Variants in DOCK1 observed in about 807,000 individuals in gnomAD.
DOCK1 encodes the protein dedicator of cytokinesis 1.
Under a neutral mutation model 262.7 loss-of-function variants are expected in DOCK1, and 138 were observed. That is an observed-to-expected ratio of 0.53 (90% confidence interval 0.46 to 0.61). DOCK1 has a LOEUF of 0.61. DOCK1 is among the 20% of genes least tolerant of loss of function. The pLI is 0.00. For missense variants in DOCK1, 1,908 were observed against 2,370.7 expected, an observed-to-expected ratio of 0.80 and a Z score of 4.05; for synonymous variants, 866 against 867.4, an observed-to-expected ratio of 1.00 and a Z score of 0.03.
intron 27 of DOCK1, among the ~76,000 whole-genome samples, chr10:127,224,879 G>A (rs2058579210): frequency 6.6e-6 from 1 of 152,034 alleles, no homozygotes; most frequent in East Asian, 1.9e-4. Context: ...CATTCCTTTA[G>A]GGTCAAGACG....
At chr10:127,242,015 C>T (rs2059282415) in intron 27 of DOCK1, among the ~76,000 whole-genome samples, 1 of 152,146 alleles carries the variant, frequency 6.6e-6, no homozygotes, top group African/African-American at 2.4e-5. Flanking sequence ...TTGGGTTTTG[C>T]ACCAGGGATT....
At chr10:126,921,707 C>T (rs149284925) in intron 1 of DOCK1, among the ~76,000 whole-genome samples, 2 of 152,092 alleles carry the variant, frequency 1.3e-5, no homozygotes, top group African/African-American at 4.8e-5. Flanking sequence ...GGCTGGAGTG[C>T]AGTGGCGCGA....
At chr10:126,997,030 G>A in intron 7 of DOCK1, 147 bp downstream of exon 7, 2 of 883,804 alleles carry the variant, frequency 2.3e-6, no homozygotes, top group Non-Finnish European at 3.2e-6. Flanking sequence ...GTCATGAGTG[G>A]AATGGAGCCT....
chr10:127,230,423 ATTTTGAG>A, intron 27 of DOCK1, among the ~76,000 whole-genome samples: 1 of 152,150 alleles, frequency 6.6e-6, no homozygotes, highest in Non-Finnish European at 1.5e-5. Context: ...TTTTTAATAC[ATTTTGAG>A]TTAATTATTG....
chr10:127,017,881 T>C (rs1257346731), intron 12 of DOCK1, among the ~76,000 whole-genome samples: 1 of 152,190 alleles, frequency 6.6e-6, no homozygotes, highest in Non-Finnish European at 1.5e-5. Flanking sequence ...GTGGCTTGTT[T>C]CCTTGTACTG....
At chr10:127,275,124 T>TG (rs1037329314) in intron 29 of DOCK1, among the ~76,000 whole-genome samples, 2 of 152,106 alleles carry the variant, frequency 1.3e-5, no homozygotes, top group African/African-American at 2.4e-5. Flanking sequence ...TCAGGCCACC[T>TG]GGGGGGCAGT....
chr10:126,951,780 A>G (rs2036270993), intron 1 of DOCK1, among the ~76,000 whole-genome samples: 1 of 152,018 alleles, frequency 6.6e-6, no homozygotes, highest in Non-Finnish European at 1.5e-5. Context: ...ACGCTGTGAC[A>G]GGAAATAATC....
intron 29 of DOCK1, among the ~76,000 whole-genome samples, chr10:127,296,514 C>G (rs980323862): frequency 6.6e-6 from 1 of 152,216 alleles, no homozygotes; most frequent in African/African-American, 2.4e-5. Context: ...AGAAACCTGC[C>G]GTGTGGAGTG....
intron 46 of DOCK1, among the ~76,000 whole-genome samples, chr10:127,422,358 G>T (rs1052344955): frequency 1.3e-5 from 2 of 151,414 alleles, no homozygotes; most frequent in Non-Finnish European, 2.9e-5. Context: ...GTAGAGATGG[G>T]GTTTCACCAT....
chr10:127,200,570 A>AT (rs922771418), intron 27 of DOCK1, among the ~76,000 whole-genome samples: 1 of 151,942 alleles, frequency 6.6e-6, no homozygotes, highest in Non-Finnish European at 1.5e-5. Flanking sequence ...CGCCTGGCTG[A>AT]TTTTTTGTAT....
At chr10:127,292,674 A>T (rs1285558037) in intron 29 of DOCK1, among the ~76,000 whole-genome samples, 2 of 152,258 alleles carry the variant, frequency 1.3e-5, no homozygotes, top group African/African-American at 4.8e-5. Flanking sequence ...ATGCTTTTGC[A>T]TTCCTGCTGA....
At chr10:127,236,077 T>C (rs2059039001) in intron 27 of DOCK1, among the ~76,000 whole-genome samples, 1 of 152,178 alleles carries the variant, frequency 6.6e-6, no homozygotes. Flanking sequence ...GTCTTTTTAC[T>C]TTCTGTATAG....
At chr10:126,941,061 C>A (rs2034941606) in intron 1 of DOCK1, among the ~76,000 whole-genome samples, 1 of 152,156 alleles carries the variant, frequency 6.6e-6, no homozygotes, top group Non-Finnish European at 1.5e-5. Flanking sequence ...ATTTCAGGGA[C>A]CTGCTGGTCC....
chr10:126,993,410 A>AT (rs1235631907), intron 6 of DOCK1, among the ~76,000 whole-genome samples: 1 of 152,170 alleles, frequency 6.6e-6, no homozygotes, highest in Admixed American at 6.5e-5. Context: ...ACCCCTGCCC[A>AT]TACCAGTATT....
At position 126,916,689 on chromosome 10, in the gene DOCK1, C is replaced by T. The variant is rs80114279; in HGVS notation, c.46+11126C>T. ...TCTTCCTCCCCTCCTTCCTTTCCTC[C>T]TTCCTTTCCTCCCCTCCTTCCTTCT... On this transcript the variant is annotated intron_variant, in intron 1 of 51. Coordinates refer to ENST00000623213, the MANE Select transcript of DOCK1 (RefSeq NM_001290223.2). Among the ~76,000 whole-genome samples, 797 of 152,016 alleles carry T rather than the reference C, an allele frequency of 5.2e-3. 5 individuals carry two copies. Among genetic ancestry groups the T allele is most frequent in the African/African-American group, 0.018 (760 of 41,430 alleles).
intron 25 of DOCK1, among the ~76,000 whole-genome samples, chr10:127,115,794 A>G (rs1169120616): frequency 1.3e-5 from 2 of 152,220 alleles, no homozygotes; most frequent in Non-Finnish European, 2.9e-5. Context: ...CTCCTGGAAC[A>G]TGTTCTCTCA....
At position 127,305,820 on chromosome 10, in the gene DOCK1, T is replaced by G. The variant is rs1488460328; in HGVS notation, c.3045-33186T>G. 2.6e-5 allele frequency among the ~76,000 whole-genome samples: 4 copies of G among 152,082 alleles called. No homozygotes were observed. In the South Asian group the frequency reaches 8.3e-4, roughly 32 times the overall value. ...TTGTTTCCTCTGATTTCAGAAGTAG[T>G]TTTTCGTTTTGTTTTTTCAGTTTCT... On this transcript the variant is annotated intron_variant, in intron 29 of 51. Transcript: ENST00000623213.
intron 16 of DOCK1, 52 bp downstream of exon 16, chr10:127,026,476 G>A: frequency 6.5e-7 from 1 of 1,528,410 alleles, no homozygotes; most frequent in South Asian, 1.2e-5. Flanking sequence ...GAGAACTGGG[G>A]GAAAGCGCGA....
At chr10:127,272,976 A>G (rs944096299) in intron 29 of DOCK1, among the ~76,000 whole-genome samples, 9 of 152,296 alleles carry the variant, frequency 5.9e-5, no homozygotes, top group African/African-American at 1.7e-4. Context: ...GGAATTCAAG[A>G]TGAGATTTGG....
Sources: gnomAD v4.1 joint callset for allele counts (sites outside exome capture counted in the v4.1 genomes callset) on GRCh38, gnomAD v4.1.1 for gene constraint, MANE v1.5 for transcripts, NCBI Gene and HGNC (gene_info 2026-07-23, HGNC 2026-07-21) for gene names.